Variants in TM4SF4 observed in about 807,000 individuals in gnomAD.
TM4SF4 encodes the protein transmembrane 4 L6 family member 4.
TM4SF4 carries 24 observed loss-of-function variants against 24.1 expected under a neutral mutation model. The observed-to-expected ratio is 1.00, with a 90% CI of 0.72 to 1.40. The LOEUF (loss-of-function observed/expected upper bound fraction) is 1.40, where lower values mean the gene tolerates loss of function less well. Ranked by LOEUF, TM4SF4 falls within the 40% of genes most tolerant of loss-of-function variation. TM4SF4 has a pLI of 0.00. For missense variants in TM4SF4, 254 were observed against 254.2 expected, an observed-to-expected ratio of 1.00 and a Z score of 0.01; for synonymous variants, 113 against 97.0, an observed-to-expected ratio of 1.17 and a Z score of -0.97.
chr3:149,485,764 G>C (rs1734104539), intron 2 of TM4SF4, among the ~76,000 whole-genome samples: 1 of 152,096 alleles, frequency 6.6e-6, no homozygotes, highest in Non-Finnish European at 1.5e-5. Flanking sequence ...ACTGCACTCA[G>C]CCTGGGTGAC....
chr3:149,498,815 C>T lies in TM4SF4; in HGVS notation c.495C>T (p.Val165=), dbSNP rs370224411. ...TGACCCTCTTCTCCATCCTGCTGGT[C>T]GTAGGAGGAATCCAGATGGTTCTCT... ...WNLTLFSILL[V]VGGIQMVLCA... is the part of the protein sequence containing the mutation. Residue 165 remains valine (V), a synonymous_variant, in exon 4 of 5, where the codon GTC becomes GTT. Transcript: ENST00000305354. 17 of 1,613,856 alleles carry T rather than the reference C, an allele frequency of 1.1e-5. No homozygotes were observed. Among genetic ancestry groups the T allele is most frequent in the Admixed American group, 8.3e-5 (5 of 59,992 alleles).
At position 149,475,546 on chromosome 3, in the gene TM4SF4, C is replaced by A. The variant is rs546129894; in HGVS notation, c.175-277C>A. ...AGGGAGAGAGACTCACTCTTCATGA[C>A]AATTGAGGAAAAGTTTGTTATTCTT... On this transcript the variant is annotated intron_variant, in intron 1 of 4. Transcript: ENST00000305354. 1.8e-4 allele frequency among the ~76,000 whole-genome samples: 28 copies of A among 152,292 alleles called. No individual in the cohort carries two copies. The South Asian group carries it at 5.8e-3, about 32-fold the overall frequency.
At chr3:149,502,225 A>T (rs1031083764) in intron 4 of TM4SF4, among the ~76,000 whole-genome samples, 1 of 152,066 alleles carries the variant, frequency 6.6e-6, no homozygotes, top group Non-Finnish European at 1.5e-5. Context: ...GTCTCTCAGC[A>T]CCTCTTACCA....
chr3:149,501,763 C>T (rs1219720148), intron 4 of TM4SF4, among the ~76,000 whole-genome samples: 1 of 152,224 alleles, frequency 6.6e-6, no homozygotes, highest in Non-Finnish European at 1.5e-5. Flanking sequence ...CCAACTGCCT[C>T]TTGCCTAACT....
chr3:149,500,384 A>G (rs1366859127), intron 4 of TM4SF4, among the ~76,000 whole-genome samples: 2 of 151,950 alleles, frequency 1.3e-5, no homozygotes, highest in Non-Finnish European at 2.9e-5. Context: ...ACTTTTTTCA[A>G]TGAAAAATAT....
chr3:149,475,018 G>T lies in TM4SF4; in HGVS notation c.141G>T (p.Trp47Cys), dbSNP rs772415508. 13 of 1,613,774 alleles carry T rather than the reference G, an allele frequency of 8.1e-6. No individual in the cohort carries two copies. The highest frequency in any genetic ancestry group is 1.1e-5 in the Non-Finnish European group (13 of 1,179,868). Residue 47 changes from tryptophan (W) to cysteine (C), a missense_variant, in exon 1 of 5, where the codon TGG becomes TGT. Transcript: ENST00000305354. ...DDNDHLSQEI[W>C]FFGGILGSGV... is the part of the protein sequence containing the mutation. ...ACGACCACCTTTCCCAAGAGATCTG[G>T]TTTTTCGGAGGAATATTAGGAAGCG...
chr3:149,495,626 G>T, intron 3 of TM4SF4: 1 of 333,668 alleles, frequency 3.0e-6, no homozygotes, highest in Non-Finnish European at 6.1e-6. Flanking sequence ...ACCCACCAAT[G>T]GGAGCAGCTG....
At chr3:149,491,370 G>A (rs1734207166) in intron 3 of TM4SF4, among the ~76,000 whole-genome samples, 1 of 151,814 alleles carries the variant, frequency 6.6e-6, no homozygotes, top group African/African-American at 2.4e-5. Context: ...GGTGCCTGAT[G>A]TGGGAGGATC....
intron 2 of TM4SF4, among the ~76,000 whole-genome samples, chr3:149,486,419 A>G (rs1245286196): frequency 6.6e-6 from 1 of 152,220 alleles, no homozygotes; most frequent in Non-Finnish European, 1.5e-5. Context: ...TCGTCATCAA[A>G]GCAACAGAGG....
chr3:149,474,893 T>A lies in TM4SF4; in HGVS notation c.16T>A (p.Cys6Ser), dbSNP rs1733896739. Reference sequence around the variant, plus strand: ...CCACCCCAGAATGTGCACTGGGGGCTGTGCCAGATGCCTGGGGGGGACCCT... The same window carrying A: ...CCACCCCAGAATGTGCACTGGGGGCAGTGCCAGATGCCTGGGGGGGACCCT... Reference protein sequence around the residue: MCTGGCARCLGGTLIP... With the variant: MCTGGSARCLGGTLIP... Residue 6 changes from cysteine (C) to serine (S), a missense_variant, in exon 1 of 5, where the codon TGT becomes AGT. Coordinates refer to ENST00000305354, the MANE Select transcript of TM4SF4 (RefSeq NM_004617.4). The A allele has an allele frequency of 1.2e-6, 2 of 1,613,694 alleles. No homozygotes were observed. Among genetic ancestry groups the A allele is most frequent in the East Asian group, 4.5e-5 (2 of 44,880 alleles).
chr3:149,482,604 T>A (rs569906971), intron 2 of TM4SF4, among the ~76,000 whole-genome samples: 1 of 152,270 alleles, frequency 6.6e-6, no homozygotes, highest in Non-Finnish European at 1.5e-5. Flanking sequence ...AGTGCAGTGG[T>A]GCAATCTCAG....
rs1734141513 is a variant in TM4SF4 at position 149,487,618 on chromosome 3, G to A, written c.265-1G>A. On this transcript the variant is annotated splice_acceptor_variant, in intron 2 of 4. Transcript: ENST00000305354. LOFTEE classifies it high-confidence loss of function. ...TGACTGTCTCTCTTCCTCTCTTTCA[G>A]ATGTTCACCTCCACGATATTTGCTG... 2 of 1,613,980 alleles carry A rather than the reference G, an allele frequency of 1.2e-6. No individual in the cohort carries two copies. Among genetic ancestry groups the A allele is most frequent in the East Asian group, 2.2e-5 (1 of 44,890 alleles).
At chr3:149,495,224 G>A (rs1378062203) in intron 3 of TM4SF4, 1 of 195,984 alleles carries the variant, frequency 5.1e-6, no homozygotes, top group African/African-American at 2.4e-5. Flanking sequence ...CCAATTTCCA[G>A]TTGGAATGGT....
intron 4 of TM4SF4, 136 bp downstream of exon 4, chr3:149,499,047 C>G: frequency 1.2e-6 from 1 of 867,858 alleles, no homozygotes; most frequent in Non-Finnish European, 1.8e-6. Flanking sequence ...AAAACCAGCC[C>G]AGGTTGGGAA....
chr3:149,485,097 G>A (rs1734093602), intron 2 of TM4SF4, among the ~76,000 whole-genome samples: 1 of 152,128 alleles, frequency 6.6e-6, no homozygotes, highest in Non-Finnish European at 1.5e-5. Context: ...GATGAAATAA[G>A]GACTCAACTC....
At chr3:149,492,461 C>T (rs1229889392) in intron 3 of TM4SF4, among the ~76,000 whole-genome samples, 1 of 152,060 alleles carries the variant, frequency 6.6e-6, no homozygotes, top group Non-Finnish European at 1.5e-5. Context: ...GAAGTAGAAC[C>T]TCCTCCCATC....
intron 4 of TM4SF4, among the ~76,000 whole-genome samples, chr3:149,501,087 G>A (rs1482958191): frequency 4.0e-5 from 6 of 151,216 alleles, no homozygotes; most frequent in Non-Finnish European, 5.9e-5. Context: ...TTGAATTGTT[G>A]ATAATACTTT....
At chr3:149,492,490 G>C (rs1349572220) in intron 3 of TM4SF4, among the ~76,000 whole-genome samples, 1 of 152,052 alleles carries the variant, frequency 6.6e-6, no homozygotes, top group African/African-American at 2.4e-5. Flanking sequence ...TCCTCCCTGA[G>C]ACAATTGGCC....
At chr3:149,495,782 G>A in intron 3 of TM4SF4, 1 of 222,244 alleles carries the variant, frequency 4.5e-6, no homozygotes, top group Non-Finnish European at 9.2e-6. Context: ...TAAGAAGCAG[G>A]CCTTAAATTC....
Sources: gnomAD v4.1 joint callset for allele counts (sites outside exome capture counted in the v4.1 genomes callset) on GRCh38, gnomAD v4.1.1 for gene constraint, MANE v1.5 for transcripts, NCBI Gene and HGNC (gene_info 2026-07-23, HGNC 2026-07-21) for gene names.